The following FBXL13 variants were observed in gnomAD, a reference collection of about 807,000 sequenced individuals.
FBXL13 encodes F-box and leucine rich repeat protein 13.
Under a neutral mutation model 83.6 loss-of-function variants are expected in FBXL13, and 67 were observed. That is an observed-to-expected ratio of 0.80 (90% CI 0.66 to 0.98). The LOEUF (loss-of-function observed/expected upper bound fraction) is 0.98, where lower values mean the gene tolerates loss of function less well. Ranked by LOEUF, FBXL13 falls within the 50% of genes least tolerant of loss-of-function variation. FBXL13 has a pLI of 0.00. For missense variants in FBXL13, 822 were observed against 866.5 expected (o/e 0.95, Z 0.64); for synonymous variants, 272 against 299.5 (o/e 0.91, Z 0.95).
intron 6 of FBXL13, among the ~76,000 whole-genome samples, chr7:102,991,303 G>C (rs977407841): frequency 3.9e-5 from 6 of 152,136 alleles, no homozygotes; most frequent in African/African-American, 1.4e-4. Flanking sequence ...CAGGATATGG[G>C]GGAAAAGGAA....
At chr7:103,014,652 G>A (rs570663131) in intron 6 of FBXL13, among the ~76,000 whole-genome samples, 4 of 152,084 alleles carry the variant, frequency 2.6e-5, no homozygotes, top group East Asian at 1.9e-4. Flanking sequence ...GGCCGGGCGC[G>A]GTGGCTCACG....
At chr7:103,008,408 A>G (rs988430823) in intron 6 of FBXL13, among the ~76,000 whole-genome samples, 2 of 152,212 alleles carry the variant, frequency 1.3e-5, no homozygotes, top group African/African-American at 4.8e-5. Flanking sequence ...CCCTGTTTAT[A>G]GGAAATACAT....
intron 9 of FBXL13, among the ~76,000 whole-genome samples, chr7:102,930,472 C>A (rs150241581): frequency 1.3e-5 from 2 of 152,304 alleles, no homozygotes; most frequent in African/African-American, 4.8e-5. Context: ...CTTCTGACCT[C>A]TTCTCCACTT....
chr7:102,822,867 C>T (rs560926423), intron 18 of FBXL13, among the ~76,000 whole-genome samples: 1 of 152,248 alleles, frequency 6.6e-6, no homozygotes, highest in South Asian at 2.1e-4. Flanking sequence ...GAACCCAGTT[C>T]GAGACCAGCC....
intron 8 of FBXL13, among the ~76,000 whole-genome samples, chr7:102,947,290 C>A (rs530331858): frequency 6.6e-6 from 1 of 152,214 alleles, no homozygotes; most frequent in Non-Finnish European, 1.5e-5. Context: ...TGAGATGAAA[C>A]CTGATTCAGA....
At position 102,912,905 on chromosome 7, in the gene FBXL13, C is replaced by T. The variant is rs972035515; in HGVS notation, c.1008+181G>A. The T allele has an allele frequency of 6.1e-5, 43 of 706,098 alleles. 1 individual carries two copies. The highest frequency in any genetic ancestry group is 1.3e-5 in the Non-Finnish European group (6 of 449,864). The allele number at this position is 706,098 out of a possible 1,614,324, so 43.7% of individuals were successfully genotyped here. On this transcript the variant is annotated intron_variant, in intron 11 of 19. Transcript: ENST00000313221. ...TGTGTGACACTCCAGTGGAAGGAAG[C>T]CAAGAGCCTATAATAGCGATCCTGG...
chr7:102,985,218 C>T (rs1828796861), intron 6 of FBXL13, among the ~76,000 whole-genome samples: 1 of 152,226 alleles, frequency 6.6e-6, no homozygotes, highest in African/African-American at 2.4e-5. Flanking sequence ...CTTTCATGCT[C>T]ACCACCTGGC....
At chr7:103,018,389 A>G (rs866631183) in intron 6 of FBXL13, among the ~76,000 whole-genome samples, 11 of 152,366 alleles carry the variant, frequency 7.2e-5, no homozygotes, top group East Asian at 1.9e-4. Flanking sequence ...TGGAAAAACC[A>G]TCGATGTTAG....
intron 2 of FBXL13, among the ~76,000 whole-genome samples, chr7:103,051,780 A>T (rs1450462462): frequency 6.6e-6 from 1 of 152,228 alleles, no homozygotes; most frequent in Non-Finnish European, 1.5e-5. Context: ...AGAAATTGGA[A>T]TTAGGTATAG....
chr7:103,074,069 TTATA>T (rs1392392216), intron 1 of FBXL13, among the ~76,000 whole-genome samples: 1 of 152,214 alleles, frequency 6.6e-6, no homozygotes, highest in Non-Finnish European at 1.5e-5. Context: ...TTCCCTACTC[TTATA>T]ACGGCAGTAG....
At chr7:102,965,802 A>T (rs1208712506) in intron 7 of FBXL13, among the ~76,000 whole-genome samples, 1 of 152,192 alleles carries the variant, frequency 6.6e-6, no homozygotes, top group African/African-American at 2.4e-5. Flanking sequence ...AATATCAACA[A>T]ACGTGGTCAT....
chr7:102,840,497 G>T (rs908807557), intron 17 of FBXL13, among the ~76,000 whole-genome samples: 1 of 152,176 alleles, frequency 6.6e-6, no homozygotes, highest in Admixed American at 6.5e-5. Context: ...AGAGTTGATG[G>T]GTGTCTATTT....
At chr7:102,831,034 G>A (rs777052859) in intron 18 of FBXL13, among the ~76,000 whole-genome samples, 1 of 152,106 alleles carries the variant, frequency 6.6e-6, no homozygotes, top group South Asian at 2.1e-4. Flanking sequence ...GATGATCTAC[G>A]TGTGTTATTT....
At chr7:103,030,278 T>C (rs2129489087) in intron 2 of FBXL13, 1 of 152,296 alleles carries the variant, frequency 6.6e-6, no homozygotes, top group East Asian at 1.9e-4. Flanking sequence ...TCATCATAGA[T>C]TTATTTTAGG....
chr7:102,905,242 C>G (rs921355328), intron 11 of FBXL13, among the ~76,000 whole-genome samples: 2 of 152,062 alleles, frequency 1.3e-5, no homozygotes, highest in Admixed American at 1.3e-4. Context: ...GTATTGGGGT[C>G]CATCTCTCTC....
chr7:103,024,853 ATATATTT>A (rs1263744010), intron 6 of FBXL13, among the ~76,000 whole-genome samples: 4 of 88,236 alleles, frequency 4.5e-5, no homozygotes, highest in South Asian at 4.0e-4. Flanking sequence ...ATATATATAT[ATATATTT>A]TTTTTTTTTT....
intron 8 of FBXL13, chr7:102,934,354 A>T: frequency 6.2e-7 from 1 of 1,614,154 alleles, no homozygotes; most frequent in Non-Finnish European, 8.5e-7. Context: ...TGACGGAGGA[A>T]GTGTTCATTT....
At chr7:102,948,060 A>G (rs1200517110) in intron 8 of FBXL13, among the ~76,000 whole-genome samples, 1 of 150,754 alleles carries the variant, frequency 6.6e-6, no homozygotes, top group African/African-American at 2.4e-5. Flanking sequence ...TTCAGTAATG[A>G]GGATCTTTTT....
intron 10 of FBXL13, among the ~76,000 whole-genome samples, chr7:102,919,590 A>C (rs1164385996): frequency 6.6e-6 from 1 of 152,226 alleles, no homozygotes; most frequent in African/African-American, 2.4e-5. Context: ...GCAGGAAAAA[A>C]TAGGTTACCA....
Sources: gnomAD v4.1 joint callset for allele counts (sites outside exome capture counted in the v4.1 genomes callset) on GRCh38, gnomAD v4.1.1 for gene constraint, MANE v1.5 for transcripts, NCBI Gene and HGNC (gene_info 2026-07-23, HGNC 2026-07-21) for gene names.